The following HS6ST3 variants were observed in gnomAD, a reference collection of about 807,000 sequenced individuals.
The protein encoded by HS6ST3 is heparan sulfate 6-O-sulfotransferase 3.
Under a neutral mutation model 36.7 loss-of-function variants are expected in HS6ST3, and 12 were observed. That is an observed-to-expected ratio of 0.33 (90% CI 0.21 to 0.53). The LOEUF (loss-of-function observed/expected upper bound fraction) is 0.53. Ranked by LOEUF, HS6ST3 falls within the 20% of genes least tolerant of loss-of-function variation. The pLI, the probability that HS6ST3 is intolerant of heterozygous loss-of-function variation, is 0.95. For synonymous variants in HS6ST3, 240 were observed against 257.5 expected, an observed-to-expected ratio of 0.93 and a Z score of 0.65; for missense variants, 584 against 640.9, an observed-to-expected ratio of 0.91 and a Z score of 0.96.
chr13:96,791,935 T>C (rs181963236), intron 1 of HS6ST3, among the ~76,000 whole-genome samples: 186 of 152,180 alleles, frequency 1.2e-3, no homozygotes, highest in African/African-American at 4.2e-3. Flanking sequence ...TATATATAAA[T>C]AGTATACACA....
intron 1 of HS6ST3, among the ~76,000 whole-genome samples, chr13:96,597,861 A>G (rs1270756579): frequency 6.6e-6 from 1 of 152,082 alleles, no homozygotes; most frequent in Non-Finnish European, 1.5e-5. Context: ...CTGGTGACAA[A>G]TAAGGATCCA....
At chr13:96,769,678 A>G (rs536993745) in intron 1 of HS6ST3, among the ~76,000 whole-genome samples, 3 of 151,698 alleles carry the variant, frequency 2.0e-5, no homozygotes, top group African/African-American at 7.3e-5. Context: ...AAACTGATAA[A>G]CAATTACTCT....
chr13:96,818,356 A>C lies in HS6ST3; in HGVS notation c.708-14134A>C, dbSNP rs142472236. ...CTTCTGGAAGAAACTCATGCTAATT[A>C]TCGTCAATAAGTGGATTTTGAAGAG... On this transcript the variant is annotated intron_variant, in intron 1 of 1. Transcript: ENST00000376705. Among the ~76,000 whole-genome samples the C allele has an allele frequency of 9.2e-5, 14 of 152,348 alleles. No homozygotes were observed. The East Asian group carries it at 2.3e-3, about 25-fold the overall frequency.
intron 1 of HS6ST3, among the ~76,000 whole-genome samples, chr13:96,491,229 T>TA (rs2055943699): frequency 2.0e-5 from 3 of 151,930 alleles, no homozygotes; most frequent in African/African-American, 7.3e-5. Context: ...TGAAATGCAT[T>TA]AAAAAAAGAC....
At chr13:96,798,773 C>T (rs536029521) in intron 1 of HS6ST3, among the ~76,000 whole-genome samples, 20 of 152,124 alleles carry the variant, frequency 1.3e-4, no homozygotes, top group Non-Finnish European at 2.2e-4. Context: ...GTTGCCATAA[C>T]AAAATACCAC....
chr13:96,724,723 G>C (rs1361935017), intron 1 of HS6ST3, among the ~76,000 whole-genome samples: 1 of 152,036 alleles, frequency 6.6e-6, no homozygotes, highest in Non-Finnish European at 1.5e-5. Flanking sequence ...TTTTATTGCA[G>C]AGTAGTAGTT....
intron 1 of HS6ST3, among the ~76,000 whole-genome samples, chr13:96,229,890 G>T (rs1039267480): frequency 6.6e-6 from 1 of 152,156 alleles, no homozygotes. Flanking sequence ...GAAGGTTAGG[G>T]CAAGGGAAGG....
rs536050881 is a variant in HS6ST3 at position 96,773,572 on chromosome 13, G to A, written c.708-58918G>A. Among the ~76,000 whole-genome samples the A allele has an allele frequency of 1.1e-3, 169 of 152,266 alleles. 1 individual carries two copies. The highest frequency in any genetic ancestry group is 3.7e-3 in the African/African-American group (155 of 41,552). On this transcript the variant is annotated intron_variant, in intron 1 of 1. Coordinates refer to ENST00000376705, the MANE Select transcript of HS6ST3 (RefSeq NM_153456.4). ...AACAAGGCCACTGGAAAGTTCCAACGGGGCAGAACCCACAGCAGCGCCTCA... is the reference window on the plus strand; with the variant it reads ...AACAAGGCCACTGGAAAGTTCCAACAGGGCAGAACCCACAGCAGCGCCTCA...
intron 1 of HS6ST3, among the ~76,000 whole-genome samples, chr13:96,764,534 C>T (rs1243595815): frequency 6.6e-6 from 1 of 152,212 alleles, no homozygotes; most frequent in Admixed American, 6.5e-5. Context: ...CCCACTCATT[C>T]TCTCAGCATC....
At chr13:96,558,567 C>G (rs559597603) in intron 1 of HS6ST3, among the ~76,000 whole-genome samples, 1 of 152,160 alleles carries the variant, frequency 6.6e-6, no homozygotes, top group East Asian at 1.9e-4. Flanking sequence ...GGCAGTATGG[C>G]AAGTGTCAGG....
At chr13:96,290,343 A>T (rs1366450989) in intron 1 of HS6ST3, among the ~76,000 whole-genome samples, 3 of 152,084 alleles carry the variant, frequency 2.0e-5, no homozygotes, top group Admixed American at 6.6e-5. Context: ...AGGTAATATG[A>T]CCAAGGGGAT....
chr13:96,091,737 C>G (rs999873168), intron 1 of HS6ST3, among the ~76,000 whole-genome samples, 168 bp downstream of exon 1: 2 of 152,002 alleles, frequency 1.3e-5, no homozygotes, highest in African/African-American at 4.8e-5. Context: ...CGGATAGTGC[C>G]TAGGTCCTGA....
intron 1 of HS6ST3, among the ~76,000 whole-genome samples, chr13:96,240,453 TA>T (rs2054554703): frequency 6.6e-6 from 1 of 152,208 alleles, no homozygotes; most frequent in Non-Finnish European, 1.5e-5. Flanking sequence ...ATATATTTTT[TA>T]AAAAGTTCCA....
At chr13:96,602,468 C>T (rs1046959491) in intron 1 of HS6ST3, among the ~76,000 whole-genome samples, 2 of 152,254 alleles carry the variant, frequency 1.3e-5, no homozygotes, top group East Asian at 1.9e-4. Context: ...ACACACCAGA[C>T]GTCTGAGGCC....
At chr13:96,493,541 G>T (rs569511208) in intron 1 of HS6ST3, among the ~76,000 whole-genome samples, 1 of 152,000 alleles carries the variant, frequency 6.6e-6, no homozygotes, top group African/African-American at 2.4e-5. Context: ...GGTACTTTTG[G>T]TTCAGAGTGA....
intron 1 of HS6ST3, among the ~76,000 whole-genome samples, chr13:96,501,501 ACCT>A (rs2056004243): frequency 6.6e-6 from 1 of 152,090 alleles, no homozygotes; most frequent in African/African-American, 2.4e-5. Flanking sequence ...CTGCGCCCTC[ACCT>A]GTAAATGGAG....
intron 1 of HS6ST3, among the ~76,000 whole-genome samples, chr13:96,546,207 A>G (rs1390967299): frequency 6.6e-6 from 1 of 152,106 alleles, no homozygotes; most frequent in Non-Finnish European, 1.5e-5. Flanking sequence ...TCAATGCCCC[A>G]GGCTGCCCAC....
intron 1 of HS6ST3, among the ~76,000 whole-genome samples, chr13:96,210,530 C>G (rs1261105422): frequency 6.6e-6 from 1 of 151,910 alleles, no homozygotes; most frequent in African/African-American, 2.4e-5. Flanking sequence ...TTGTTTCGAT[C>G]ACATGAACTT....
intron 1 of HS6ST3, among the ~76,000 whole-genome samples, chr13:96,606,117 T>C (rs2056437843): frequency 6.6e-6 from 1 of 152,180 alleles, no homozygotes; most frequent in African/African-American, 2.4e-5. Flanking sequence ...ACTTATACAC[T>C]GTTGGGAATG....
Sources: allele counts gnomAD v4.1 joint callset (sites outside exome capture counted in the v4.1 genomes callset), GRCh38; gene constraint gnomAD v4.1.1; transcripts MANE v1.5; gene names NCBI Gene and HGNC (gene_info 2026-07-23, HGNC 2026-07-21).